The following NOVA2 variants were observed in gnomAD, a reference collection of about 807,000 sequenced individuals.
The protein encoded by NOVA2 is NOVA alternative splicing regulator 2.
In NOVA2, 9 loss-of-function variants were observed where a neutral mutation model predicts 22.5. The observed-to-expected ratio is 0.40, with a 90% CI of 0.24 to 0.70. The LOEUF (loss-of-function observed/expected upper bound fraction) is 0.70. Ranked by LOEUF, NOVA2 falls within the 30% of genes least tolerant of loss-of-function variation. The pLI, the probability that NOVA2 is intolerant of heterozygous loss-of-function variation, is 0.38. For missense variants in NOVA2, 383 were observed against 682.8 expected (o/e 0.56, Z 4.89); for synonymous variants, 318 against 335.2 (o/e 0.95, Z 0.56).
intron 2 of NOVA2, among the ~76,000 whole-genome samples, chr19:45,959,297 C>G (rs576308893): frequency 2.6e-4 from 39 of 152,174 alleles, no homozygotes; most frequent in Non-Finnish European, 4.4e-5. Flanking sequence ...GGAAGTTGCA[C>G]GCCAGGAGTG....
Position 45,934,770 on chromosome 19 carries a change from T to C in NOVA2, c.*5093A>G, listed in dbSNP as rs988301403. 5 of 151,728 alleles carry C rather than the reference T, an allele frequency of 3.3e-5. No homozygotes were observed. Among genetic ancestry groups the C allele is most frequent in the South Asian group, 2.1e-4 (1 of 4,798 alleles). The allele number at this position is 151,728 out of a possible 1,614,324, so 9.4% of individuals were successfully genotyped here. On this transcript the variant is annotated 3_prime_UTR_variant, in exon 4 of 4. Coordinates refer to ENST00000263257, the MANE Select transcript of NOVA2 (RefSeq NM_002516.4). ...GGAGGCCACGCCCCTGGACCCGCCTTTTAAAGGGACAAAGCCAAATAGCAT... is the reference window on the plus strand; with the variant it reads ...GGAGGCCACGCCCCTGGACCCGCCTCTTAAAGGGACAAAGCCAAATAGCAT...
At chr19:45,946,986 T>C (rs997383233) in intron 3 of NOVA2, among the ~76,000 whole-genome samples, 2 of 152,042 alleles carry the variant, frequency 1.3e-5, no homozygotes, top group African/African-American at 2.4e-5. Context: ...TGAATCTAAG[T>C]GCAGTGTATG....
At position 45,944,475 on chromosome 19, in the gene NOVA2, CAAAG is replaced by C. The variant is rs1274718998; in HGVS notation, c.397-3534_397-3531del. Among the ~76,000 whole-genome samples the C allele has an allele frequency of 2.6e-5, 4 of 152,188 alleles. No individual in the cohort carries two copies. In the East Asian group the frequency reaches 7.7e-4, roughly 29 times the overall value. On this transcript the variant is annotated intron_variant, in intron 3 of 3. Coordinates refer to ENST00000263257, the MANE Select transcript of NOVA2 (RefSeq NM_002516.4). ...ACAAAACAAAAAACAAAAACAACAACAAAGAAGCAAAAAATAAAATTCATCTTGT... is the reference window on the plus strand; with the variant it reads ...ACAAAACAAAAAACAAAAACAACAACAAGCAAAAAATAAAATTCATCTTGT...
chr19:45,960,202 G>A (rs1055360517), intron 2 of NOVA2, among the ~76,000 whole-genome samples: 2 of 151,928 alleles, frequency 1.3e-5, no homozygotes, highest in Non-Finnish European at 2.9e-5. Context: ...CAGGAAGGGA[G>A]AGGCAGAAAG....
chr19:45,950,747 T>C (rs1967912572), intron 3 of NOVA2, among the ~76,000 whole-genome samples: 1 of 152,112 alleles, frequency 6.6e-6, no homozygotes, highest in African/African-American at 2.4e-5. Flanking sequence ...TGCAAGCCCA[T>C]GGAAATTTGC....
At chr19:45,972,659 G>A (rs115263285) in intron 1 of NOVA2, among the ~76,000 whole-genome samples, 5 of 151,970 alleles carry the variant, frequency 3.3e-5, no homozygotes, top group African/African-American at 1.2e-4. Flanking sequence ...CCAGGCTGTA[G>A]AGGGCACACA....
chr19:45,937,930 C>T lies in NOVA2; in HGVS notation c.*1933G>A, dbSNP rs1165695975. ...ATTGTCTCTGTGGCTTTTCTTCCCT[C>T]CTTTTTTAGGAGAGAGACAAGGAGG... On this transcript the variant is annotated 3_prime_UTR_variant, in exon 4 of 4. Transcript: ENST00000263257. 3 of 152,142 alleles carry T rather than the reference C, an allele frequency of 2.0e-5. No homozygotes were observed. Among genetic ancestry groups the T allele is most frequent in the Admixed American group, 2.0e-4 (3 of 15,274 alleles). 9.4% of individuals were successfully genotyped at this position (152,142 alleles called of 1,614,324 possible).
intron 2 of NOVA2, among the ~76,000 whole-genome samples, chr19:45,956,470 C>CTTT (rs34559909): frequency 6.7e-6 from 1 of 148,326 alleles, no homozygotes; most frequent in African/African-American, 2.5e-5. Context: ...ATTCTAAGCA[C>CTTT]TTTTTTTTTT....
intron 3 of NOVA2, among the ~76,000 whole-genome samples, chr19:45,946,003 TAAA>T (rs35902840): frequency 2.0e-5 from 2 of 97,874 alleles, no homozygotes; most frequent in African/African-American, 8.3e-5. Context: ...AGACTCCATC[TAAA>T]AAAAAAAAAA....
In NOVA2 at chr19:45,949,281, CT is replaced by C. The variant is rs200790589; in HGVS notation, c.396+4498del. The stretch of plus-strand genomic sequence containing the variant: ...AACTGTACACTTCTAAACAGTAAAG[CT>C]TACAGTATGTGAATTATAGCTCAAC... On this transcript the variant is annotated intron_variant, in intron 3 of 3. Coordinates refer to ENST00000263257, the MANE Select transcript of NOVA2 (RefSeq NM_002516.4). Among the ~76,000 whole-genome samples, 141 of 145,502 alleles carry C rather than the reference CT, an allele frequency of 9.7e-4. No individual in the cohort carries two copies. In the East Asian group the frequency reaches 0.01, roughly 10 times the overall value.
intron 3 of NOVA2, among the ~76,000 whole-genome samples, chr19:45,941,882 A>G (rs1421621529): frequency 1.3e-5 from 2 of 152,180 alleles, no homozygotes; most frequent in Non-Finnish European, 2.9e-5. Flanking sequence ...AGCATCTAAA[A>G]GCTTAATGGC....
At chr19:45,942,143 CTCTCTGTTG>C (rs1362483109) in intron 3 of NOVA2, among the ~76,000 whole-genome samples, 1 of 152,222 alleles carries the variant, frequency 6.6e-6, no homozygotes, top group Non-Finnish European at 1.5e-5. Context: ...TCTCGTTGAA[CTCTCTGTTG>C]TTATGGGCTG....
intron 3 of NOVA2, among the ~76,000 whole-genome samples, chr19:45,943,531 T>C (rs1967792824): frequency 6.6e-6 from 1 of 150,744 alleles, no homozygotes; most frequent in South Asian, 2.1e-4. Flanking sequence ...CTGGGTAACA[T>C]GGCATGACCC....
intron 1 of NOVA2, chr19:45,962,634 C>G (rs1389636650): frequency 6.6e-6 from 1 of 152,086 alleles, no homozygotes; most frequent in Non-Finnish European, 1.5e-5. Context: ...TTTTCCTTTT[C>G]TTTCTTTCTT....
At chr19:45,965,582 TAGTC>T (rs748171006) in intron 1 of NOVA2, among the ~76,000 whole-genome samples, 5 of 152,130 alleles carry the variant, frequency 3.3e-5, no homozygotes, top group African/African-American at 7.2e-5. Flanking sequence ...CTACAAAAAT[TAGTC>T]AGGCCTAGTG....
At chr19:45,954,045 AGAGAG>A in intron 2 of NOVA2, 99 bp from the exon 3 acceptor site, 23 of 1,354,424 alleles carry the variant, frequency 1.7e-5, no homozygotes, top group Non-Finnish European at 2.1e-5. Context: ...GCTGAGGTCC[AGAGAG>A]TGGACCTGAC....
chr19:45,967,704 G>A (rs1049032275), intron 1 of NOVA2: 1 of 152,180 alleles, frequency 6.6e-6, no homozygotes, highest in African/African-American at 2.4e-5. Context: ...CACTTTGGGA[G>A]GCCGAGGTGG....
At position 45,940,106 on chromosome 19, in the gene NOVA2, C is replaced by A. The variant is rs773864384; in HGVS notation, c.1236G>T (p.Ala412=). 3.7e-6 allele frequency: 6 copies of A among 1,613,516 alleles called. No homozygotes were observed. In the South Asian group the frequency reaches 6.6e-5, roughly 18 times the overall value. Residue 412 remains alanine, a synonymous_variant, in exon 4 of 4, where the codon GCG becomes GCT. Transcript: ENST00000263257. ...AESAKELVEI[A]VPENLVGAIL... The stretch of plus-strand genomic sequence containing the variant: ...TGGCTCCCACCAGGTTCTCAGGCAC[C>A]GCAATCTCCACCAGCTCCTTGGCAC...
rs1483933767 is a variant in NOVA2, at chr19:45,939,418, G to A, written c.*445C>T. On this transcript the variant is annotated 3_prime_UTR_variant, in exon 4 of 4. Coordinates refer to ENST00000263257, the MANE Select transcript of NOVA2 (RefSeq NM_002516.4). ...AAGGCCCCTCATTCTGGGTGACCCA[G>A]AGGCTCCCTCCCCTCCTCCCATATG... is the stretch of plus-strand genomic sequence containing the variant. The A allele has an allele frequency of 7.9e-6, 1 of 126,840 alleles. No homozygotes were observed. The highest frequency in any genetic ancestry group is 1.5e-5 in the Non-Finnish European group (1 of 66,242). The allele number at this position is 126,840 out of a possible 1,614,324, so 7.9% of individuals were successfully genotyped here.
Sources: gnomAD v4.1 joint callset for allele counts (sites outside exome capture counted in the v4.1 genomes callset) on GRCh38, gnomAD v4.1.1 for gene constraint, MANE v1.5 for transcripts, NCBI Gene and HGNC (gene_info 2026-07-23, HGNC 2026-07-21) for gene names.